Variants in FILIP1 observed in about 807,000 individuals in gnomAD.
FILIP1 encodes the protein filamin A interacting protein 1.
Under a neutral mutation model 102.1 loss-of-function variants are expected in FILIP1, and 61 were observed. The ratio of observed to expected loss-of-function variants is 0.60; its 90% CI spans 0.49 to 0.74. The LOEUF (loss-of-function observed/expected upper bound fraction) is 0.74, where lower values mean the gene tolerates loss of function less well. Ranked by LOEUF, FILIP1 falls within the 30% of genes least tolerant of loss-of-function variation. The pLI is 0.00. For synonymous variants in FILIP1, 491 were observed against 526.9 expected (o/e 0.93, Z 0.93); for missense variants, 1,314 against 1,441.2 (o/e 0.91, Z 1.43).
chr6:75,314,713 G>A lies in FILIP1; in HGVS notation c.1119C>T (p.Asn373=). 6.2e-7 allele frequency: 1 copy of A among 1,614,160 alleles called. No individual in the cohort carries two copies. The highest frequency in any genetic ancestry group is 8.5e-7 in the Non-Finnish European group (1 of 1,180,018). Reference sequence around the variant, plus strand: ...TTTCCACTTCTGCCATGAGGCTAGAGTTTCCACATTCTCCTTTGGCAATTT... The same window carrying A: ...TTTCCACTTCTGCCATGAGGCTAGAATTTCCACATTCTCCTTTGGCAATTT... ...RDKIAKGECG[N]SSLMAEVENL... Residue 373 remains asparagine (N), a synonymous_variant, in exon 5 of 6, where the codon AAC becomes AAT. Transcript: ENST00000237172.
At chr6:75,417,687 C>G (rs997225756) in intron 1 of FILIP1, among the ~76,000 whole-genome samples, 2 of 152,172 alleles carry the variant, frequency 1.3e-5, no homozygotes, top group African/African-American at 4.8e-5. Context: ...GGTGCTATTT[C>G]TCTCAGGTTT....
chr6:75,484,599 G>A (rs1283011855), intron 1 of FILIP1, among the ~76,000 whole-genome samples: 4 of 152,184 alleles, frequency 2.6e-5, no homozygotes, highest in African/African-American at 9.7e-5. Context: ...ACCTCTGGGG[G>A]CATAGCCCAG....
chr6:75,345,530 G>A (rs1391231514), intron 4 of FILIP1, among the ~76,000 whole-genome samples: 1 of 151,624 alleles, frequency 6.6e-6, no homozygotes, highest in Admixed American at 6.6e-5. Context: ...CTCACGTACA[G>A]TAAGGAGCAG....
chr6:75,308,981 C>T, intron 5 of FILIP1, 84 bp from the exon 6 acceptor site: 4 of 1,453,916 alleles, frequency 2.8e-6, no homozygotes, highest in Non-Finnish European at 3.8e-6. Context: ...ATTAGTGGGA[C>T]TCTTGCCACA....
chr6:75,417,899 A>G (rs1484779929), intron 1 of FILIP1, among the ~76,000 whole-genome samples: 1 of 152,138 alleles, frequency 6.6e-6, no homozygotes, highest in East Asian at 1.9e-4. Flanking sequence ...AAATCAGGGG[A>G]TCAAGAAAAA....
At chr6:75,383,946 C>G (rs1014744076) in intron 2 of FILIP1, among the ~76,000 whole-genome samples, 1 of 152,024 alleles carries the variant, frequency 6.6e-6, no homozygotes, top group Non-Finnish European at 1.5e-5. Flanking sequence ...CCATATAGAA[C>G]CTCTCAAATA....
rs573262157 is a variant in FILIP1, at chr6:75,442,347, G to C, written c.-6-27369C>G. Among the ~76,000 whole-genome samples the C allele has an allele frequency of 8.5e-3, 1,297 of 152,246 alleles. 14 individuals are homozygous for C. The highest frequency in any genetic ancestry group is 8.7e-3 in the Non-Finnish European group (592 of 67,984). On this transcript the variant is annotated intron_variant, in intron 1 of 5. Coordinates refer to ENST00000237172, the MANE Select transcript of FILIP1 (RefSeq NM_015687.5). ...CAGAGACGCTCCTCACTTCCCAGACGGGGTGGCGGCCTGGCAGAGGCTGCA... is the reference window on the plus strand; with the variant it reads ...CAGAGACGCTCCTCACTTCCCAGACCGGGTGGCGGCCTGGCAGAGGCTGCA...
chr6:75,469,670 C>A (rs1779274615), intron 1 of FILIP1, among the ~76,000 whole-genome samples: 1 of 152,000 alleles, frequency 6.6e-6, no homozygotes, highest in Non-Finnish European at 1.5e-5. Context: ...AAATAAAATA[C>A]TAGAAATTTA....
chr6:75,472,672 ATG>A (rs1779366537), intron 1 of FILIP1, among the ~76,000 whole-genome samples: 2 of 152,288 alleles, frequency 1.3e-5, no homozygotes, highest in African/African-American at 2.4e-5. Context: ...TAATTCATGA[ATG>A]TACTAATTTT....
At chr6:75,472,037 A>T (rs1193121777) in intron 1 of FILIP1, among the ~76,000 whole-genome samples, 1 of 152,154 alleles carries the variant, frequency 6.6e-6, no homozygotes, top group Non-Finnish European at 1.5e-5. Flanking sequence ...TTAAATTTTT[A>T]ATGTACAAAT....
chr6:75,460,945 T>C (rs1779004289), intron 1 of FILIP1, among the ~76,000 whole-genome samples: 1 of 152,214 alleles, frequency 6.6e-6, no homozygotes, highest in Non-Finnish European at 1.5e-5. Context: ...ACAAAACGTT[T>C]AGTTCTTTCA....
Position 75,483,062 on chromosome 6 carries a change from T to C in FILIP1, c.-7+10352A>G, listed in dbSNP as rs1001517702. On this transcript the variant is annotated intron_variant, in intron 1 of 5. Transcript: ENST00000237172. ...AAAAAATCTGTGCTACAGTATTTGC[T>C]ATTGGTGATTTTCATCTTAGTAAGA... Among the ~76,000 whole-genome samples, 6 of 152,152 alleles carry C rather than the reference T, an allele frequency of 3.9e-5. No homozygotes were observed. The East Asian group carries it at 1.2e-3, about 29-fold the overall frequency.
chr6:75,412,631 T>C (rs1344588049), intron 2 of FILIP1, among the ~76,000 whole-genome samples: 1 of 152,186 alleles, frequency 6.6e-6, no homozygotes, highest in African/African-American at 2.4e-5. Flanking sequence ...CATATGACAA[T>C]GCTACTAGAA....
chr6:75,491,849 G>A (rs1457569864), intron 1 of FILIP1, among the ~76,000 whole-genome samples: 1 of 152,068 alleles, frequency 6.6e-6, no homozygotes, highest in Non-Finnish European at 1.5e-5. Flanking sequence ...TTTACACAGG[G>A]CCAAATGCTG....
intron 2 of FILIP1, among the ~76,000 whole-genome samples, chr6:75,384,221 G>T (rs1280328773): frequency 2.0e-5 from 3 of 152,088 alleles, no homozygotes; most frequent in African/African-American, 7.2e-5. Flanking sequence ...AAATAATTGT[G>T]TTAGACTAGA....
At chr6:75,346,070 A>G (rs1339808828) in intron 4 of FILIP1, among the ~76,000 whole-genome samples, 1 of 152,230 alleles carries the variant, frequency 6.6e-6, no homozygotes, top group Non-Finnish European at 1.5e-5. Flanking sequence ...ATCAGAACTG[A>G]CATTTAGATT....
intron 6 of FILIP1, among the ~76,000 whole-genome samples, chr6:75,302,870 T>TGTATG (rs1371468096): frequency 6.6e-5 from 10 of 152,214 alleles, no homozygotes; most frequent in African/African-American, 2.4e-4. Flanking sequence ...TGATGTATGA[T>TGTATG]ATGATCAACT....
At chr6:75,431,445 G>C (rs1777820210) in intron 1 of FILIP1, among the ~76,000 whole-genome samples, 1 of 151,990 alleles carries the variant, frequency 6.6e-6, no homozygotes, top group Admixed American at 6.6e-5. Context: ...AACCAGGGAG[G>C]GTGTCCTTTA....
chr6:75,377,812 G>T (rs901151975), intron 2 of FILIP1, among the ~76,000 whole-genome samples: 1 of 152,244 alleles, frequency 6.6e-6, no homozygotes, highest in Non-Finnish European at 1.5e-5. Context: ...CTTCGCTAGA[G>T]AAAGTTTAGA....
Sources: gnomAD v4.1 joint callset for allele counts (sites outside exome capture counted in the v4.1 genomes callset) on GRCh38, gnomAD v4.1.1 for gene constraint, MANE v1.5 for transcripts, NCBI Gene and HGNC (gene_info 2026-07-23, HGNC 2026-07-21) for gene names.